Variants in HIRA observed in about 807,000 individuals in gnomAD.
The protein encoded by HIRA is protein HIRA.
A neutral mutation model predicts 126.6 loss-of-function variants in HIRA; 13 were observed. That is an observed-to-expected ratio of 0.10 (90% CI 0.07 to 0.16). The LOEUF is 0.16. Among genes scored for constraint, HIRA ranks in the 10% least tolerant of loss-of-function variants. The pLI is 1.00. For missense variants in HIRA, 834 were observed against 1,314.4 expected (o/e 0.63, Z 5.65); for synonymous variants, 511 against 520.0 (o/e 0.98, Z 0.24).
At position 19,353,261 on chromosome 22, in the gene HIRA, T is replaced by A. The variant is rs1415343638; in HGVS notation, c.2848+95A>T. The A allele has an allele frequency of 4.1e-6, 6 of 1,475,772 alleles. No individual in the cohort carries two copies. In the African/African-American group the frequency reaches 6.9e-5, roughly 17 times the overall value. The allele number at this position is 1,475,772 out of a possible 1,614,324, so 91.4% of individuals were successfully genotyped here. A position where few individuals can be genotyped will look rare whatever the true frequency, so the allele number is the denominator to read the frequency against. On this transcript the variant is annotated intron_variant, in intron 23 of 24. Coordinates refer to ENST00000263208, the MANE Select transcript of HIRA (RefSeq NM_003325.4). ...CTGGGAGGTAGAGGCTGCTGGGCCA[T>A]CACATCTTTTCCCTGATTTCACAGG...
intron 12 of HIRA, among the ~76,000 whole-genome samples, chr22:19,384,227 G>A (rs1049053991): frequency 1.3e-5 from 2 of 150,982 alleles, no homozygotes; most frequent in Admixed American, 6.6e-5. Context: ...CTGAGGCTGA[G>A]GCAGGAGAAT....
In HIRA at chr22:19,333,648, G is replaced by A. The variant is rs144020695; in HGVS notation, c.2938-2092C>T. 5.3e-3 allele frequency among the ~76,000 whole-genome samples: 800 copies of A among 152,050 alleles called. 15 individuals are homozygous for A. The highest frequency in any genetic ancestry group is 0.019 in the African/African-American group (779 of 41,452). On this transcript the variant is annotated intron_variant, in intron 24 of 24. Transcript: ENST00000263208. Reference sequence around the variant, plus strand: ...CTTTCCTCAAATTTGGAAAATTTCCGCCAGTATTTCTTCAAATAAGCTCTC... The same window carrying A: ...CTTTCCTCAAATTTGGAAAATTTCCACCAGTATTTCTTCAAATAAGCTCTC...
At chr22:19,418,952 A>AC (rs2089422052) in intron 1 of HIRA, among the ~76,000 whole-genome samples, 1 of 146,864 alleles carries the variant, frequency 6.8e-6, no homozygotes, top group Admixed American at 6.8e-5. Context: ...ACACACACAC[A>AC]AGGCCTGTTT....
chr22:19,363,307 CAA>C (rs145795027), intron 15 of HIRA, among the ~76,000 whole-genome samples: 6,987 of 150,994 alleles, frequency 0.046, 349 homozygotes, highest in East Asian at 0.12. Context: ...CTACAAAAGA[CAA>C]AGACAGATTA....
intron 15 of HIRA, among the ~76,000 whole-genome samples, chr22:19,366,961 C>T (rs1026497822): frequency 6.6e-6 from 1 of 152,072 alleles, no homozygotes; most frequent in African/African-American, 2.4e-5. Flanking sequence ...TGGGGTTTCA[C>T]CATGTTGGCC....
chr22:19,334,013 C>T (rs1057287559), intron 24 of HIRA, among the ~76,000 whole-genome samples: 6 of 151,426 alleles, frequency 4.0e-5, no homozygotes, highest in African/African-American at 9.7e-5. Flanking sequence ...CTCGATCTGT[C>T]GCCCAGGCTG....
At position 19,351,541 on chromosome 22, in the gene HIRA, G is replaced by T. The variant is rs1005426924; in HGVS notation, c.2849-95C>A. The T allele has an allele frequency of 3.0e-6, 3 of 983,822 alleles. No homozygotes were observed. The highest frequency in any genetic ancestry group is 4.7e-6 in the Non-Finnish European group (3 of 643,150). The allele number at this position is 983,822 out of a possible 1,614,324, so 60.9% of individuals were successfully genotyped here. On this transcript the variant is annotated intron_variant, in intron 23 of 24. Coordinates refer to ENST00000263208, the MANE Select transcript of HIRA (RefSeq NM_003325.4). The surrounding 1 kb of genome is among the most constrained non-coding windows in gnomAD (Gnocchi z 4.8). ...GAAATAAAATCAAGAATATGTTGTT[G>T]TGTCTATCAAATCAGAATAAACACA...
At chr22:19,363,093 G>T (rs1235183080) in intron 15 of HIRA, among the ~76,000 whole-genome samples, 1 of 151,484 alleles carries the variant, frequency 6.6e-6, no homozygotes, top group Non-Finnish European at 1.5e-5. Context: ...AATTAGCCGG[G>T]TGTGGTGGCG....
intron 1 of HIRA, among the ~76,000 whole-genome samples, chr22:19,411,259 C>T (rs151217760): frequency 1.2e-4 from 18 of 152,346 alleles, no homozygotes; most frequent in Admixed American, 5.9e-4. Context: ...GTTCCCATAC[C>T]GTCTGCCATC....
chr22:19,426,063 C>T (rs1157395890), intron 1 of HIRA, among the ~76,000 whole-genome samples: 2 of 152,058 alleles, frequency 1.3e-5, no homozygotes, highest in Non-Finnish European at 2.9e-5. Flanking sequence ...TTCAGAGTGG[C>T]CCAAATCTAC....
At chr22:19,395,922 A>T (rs1258499439) in intron 7 of HIRA, among the ~76,000 whole-genome samples, 1 of 152,230 alleles carries the variant, frequency 6.6e-6, no homozygotes, top group African/African-American at 2.4e-5. Context: ...TCAGAACTCA[A>T]ATAACGGAAG....
At chr22:19,357,125 G>A in intron 18 of HIRA, 74 bp from the exon 19 acceptor site, 3 of 1,550,272 alleles carry the variant, frequency 1.9e-6, no homozygotes, top group Non-Finnish European at 2.6e-6. Context: ...TGGAAGTGTG[G>A]GCCTTCCCTC....
intron 5 of HIRA, among the ~76,000 whole-genome samples, chr22:19,398,598 C>T (rs2089242468): frequency 6.6e-6 from 1 of 152,226 alleles, no homozygotes. Context: ...ACAGGAGTAC[C>T]CCTTCACTAT....
chr22:19,366,391 T>C lies in HIRA; in HGVS notation c.1776-4460A>G, dbSNP rs561244738. 2.6e-5 allele frequency among the ~76,000 whole-genome samples: 4 copies of C among 152,298 alleles called. No individual in the cohort carries two copies. In the East Asian group the frequency reaches 7.7e-4, roughly 29 times the overall value. ...AAACAAAAAAACATTTTGTAAGCTA[T>C]ATCAGATTCCTCTGGCAGATCTGGG... On this transcript the variant is annotated intron_variant, in intron 15 of 24. Coordinates refer to ENST00000263208, the MANE Select transcript of HIRA (RefSeq NM_003325.4).
chr22:19,375,472 G>A (rs1272454746), intron 15 of HIRA, among the ~76,000 whole-genome samples, 159 bp downstream of exon 15: 1 of 152,172 alleles, frequency 6.6e-6, no homozygotes, highest in Non-Finnish European at 1.5e-5. Context: ...TTCTCCTGGT[G>A]GCTCACTAAG....
chr22:19,356,754 TA>T, intron 19 of HIRA, 135 bp downstream of exon 19: 1 of 832,786 alleles, frequency 1.2e-6, no homozygotes. Flanking sequence ...GCAATATCAC[TA>T]ACTGCTCAGG....
intron 8 of HIRA, among the ~76,000 whole-genome samples, chr22:19,392,809 T>G (rs940331381): frequency 6.6e-6 from 1 of 152,208 alleles, no homozygotes; most frequent in Non-Finnish European, 1.5e-5. Flanking sequence ...GGTTGGCTGC[T>G]TAGTCCAGGG....
Position 19,330,777 on chromosome 22 carries a change from GTC to G in HIRA, c.*661_*662del, listed in dbSNP as rs1556004279. 6.3e-6 allele frequency: 1 copy of G among 159,146 alleles called. No homozygotes were observed. The highest frequency in any genetic ancestry group is 1.4e-5 in the Non-Finnish European group (1 of 71,884). 9.9% of individuals were successfully genotyped at this position (159,146 alleles called of 1,614,324 possible). A position where few individuals can be genotyped will look rare whatever the true frequency, so the allele number is the denominator to read the frequency against. ...CCCTTTGCCCCATTCCCCCAAAACA[GTC>G]TCTTTTTACAAACATTTAAAAATTA... On this transcript the variant is annotated 3_prime_UTR_variant, in exon 25 of 25. Coordinates refer to ENST00000263208, the MANE Select transcript of HIRA (RefSeq NM_003325.4).
chr22:19,414,396 T>C (rs1256805377), intron 1 of HIRA, among the ~76,000 whole-genome samples: 1 of 152,154 alleles, frequency 6.6e-6, no homozygotes, highest in Non-Finnish European at 1.5e-5. Context: ...CACAGAGAGG[T>C]GGCCAGAGGC....
Sources: allele counts gnomAD v4.1 joint callset (sites outside exome capture counted in the v4.1 genomes callset), GRCh38; gene constraint gnomAD v4.1.1; non-coding constraint Gnocchi (gnomAD v3.1); transcripts MANE v1.5; gene names NCBI Gene and HGNC (gene_info 2026-07-23, HGNC 2026-07-21).